NRXN3: variants seen among roughly 807,000 people sequenced by gnomAD.
NRXN3 encodes the protein neurexin 3.
In NRXN3, 32 loss-of-function variants were observed where a neutral mutation model predicts 137.6. The ratio of observed to expected loss-of-function variants is 0.23; its 90% CI spans 0.18 to 0.31. The LOEUF (loss-of-function observed/expected upper bound fraction) is 0.31. Among genes scored for constraint, NRXN3 ranks in the 10% least tolerant of loss-of-function variants. NRXN3 has a pLI of 1.00. For synonymous variants in NRXN3, 798 were observed against 784.5 expected (o/e 1.02, Z -0.29); for missense variants, 1,574 against 2,062.5 (o/e 0.76, Z 4.59).
At chr14:79,122,036 T>C (rs1336485998) in intron 15 of NRXN3, among the ~76,000 whole-genome samples, 1 of 152,226 alleles carries the variant, frequency 6.6e-6, no homozygotes, top group Non-Finnish European at 1.5e-5. Flanking sequence ...AGGATGATCA[T>C]TCACTTTTAC....
chr14:79,231,701 G>A (rs1394551013), intron 15 of NRXN3, among the ~76,000 whole-genome samples: 1 of 152,162 alleles, frequency 6.6e-6, no homozygotes, highest in Non-Finnish European at 1.5e-5. Flanking sequence ...GCAAAAGGAA[G>A]AACATCTCAA....
intron 1 of NRXN3, among the ~76,000 whole-genome samples, chr14:78,198,439 G>A (rs1475068552): frequency 6.6e-6 from 1 of 152,220 alleles, no homozygotes; most frequent in African/African-American, 2.4e-5. Context: ...GGAAAATTGA[G>A]CTGCTAGTGG....
chr14:78,707,602 T>A (rs1287823902), intron 6 of NRXN3, among the ~76,000 whole-genome samples: 1 of 152,162 alleles, frequency 6.6e-6, no homozygotes, highest in Non-Finnish European at 1.5e-5. Flanking sequence ...TGGTGTTTGG[T>A]TACATGAATA....
At chr14:78,263,939 T>C (rs1302861136) in intron 2 of NRXN3, among the ~76,000 whole-genome samples, 1 of 150,350 alleles carries the variant, frequency 6.7e-6, no homozygotes, top group African/African-American at 2.4e-5. Context: ...TCCTGACAGG[T>C]CTAATTTTTT....
intron 2 of NRXN3, among the ~76,000 whole-genome samples, chr14:78,254,133 AT>A (rs1309290433): frequency 6.6e-6 from 1 of 152,210 alleles, no homozygotes; most frequent in Non-Finnish European, 1.5e-5. Context: ...TTAACTGCTT[AT>A]GATTAATCTT....
chr14:79,061,672 A>G (rs1436724468), intron 15 of NRXN3, among the ~76,000 whole-genome samples: 1 of 152,166 alleles, frequency 6.6e-6, no homozygotes. Context: ...AGGACATCCA[A>G]CACCCATGAC....
chr14:79,767,690 A>G (rs2099060748), intron 19 of NRXN3, among the ~76,000 whole-genome samples: 1 of 152,222 alleles, frequency 6.6e-6, no homozygotes. Context: ...GATAACACTG[A>G]GGAATAAAAA....
At chr14:78,411,872 T>G (rs2092850249) in intron 4 of NRXN3, among the ~76,000 whole-genome samples, 1 of 152,230 alleles carries the variant, frequency 6.6e-6, no homozygotes, top group Non-Finnish European at 1.5e-5. Flanking sequence ...AGGCTGAATT[T>G]CATAGACCTC....
chr14:79,356,026 C>T (rs79889025), intron 15 of NRXN3, among the ~76,000 whole-genome samples: 4 of 151,986 alleles, frequency 2.6e-5, no homozygotes, highest in African/African-American at 7.3e-5. Context: ...GTATTATTTG[C>T]GAAGTGTTCT....
At position 79,667,798 on chromosome 14, in the gene NRXN3, A is replaced by AG. The variant is rs111877759; in HGVS notation, c.3616+3856dup. Among the ~76,000 whole-genome samples the AG allele has an allele frequency of 1.3e-3, 200 of 151,746 alleles. 1 individual carries two copies. The highest frequency in any genetic ancestry group is 4.5e-3 in the African/African-American group (186 of 41,430). On this transcript the variant is annotated intron_variant, in intron 17 of 20. Coordinates refer to ENST00000335750, the MANE Select transcript of NRXN3 (RefSeq NM_001330195.2). The stretch of plus-strand genomic sequence containing the variant: ...TACAATGCGGTGGTAGGAACAAGGG[A>AG]GGGGGGGTGAAAGGTGACTTGAGTA...
chr14:78,824,125 T>TTC (rs1555513316), intron 10 of NRXN3, among the ~76,000 whole-genome samples: 3 of 146,828 alleles, frequency 2.0e-5, no homozygotes, highest in African/African-American at 7.8e-5. Flanking sequence ...TTTTTTTTTT[T>TTC]CCAGAGCTGG....
At chr14:78,356,354 T>C (rs949407177) in intron 4 of NRXN3, among the ~76,000 whole-genome samples, 2 of 152,232 alleles carry the variant, frequency 1.3e-5, no homozygotes, top group Non-Finnish European at 2.9e-5. Context: ...GGAATAGATA[T>C]GAGATATTTC....
rs1260471905 is a variant in NRXN3, at chr14:79,861,119, C to T, written c.4094-223C>T. The T allele has an allele frequency of 3.4e-6, 5 of 1,475,970 alleles. No individual in the cohort carries two copies. The Admixed American group carries it at 6.9e-5, about 20-fold the overall frequency. 91.4% of individuals were successfully genotyped at this position (1,475,970 alleles called of 1,614,324 possible). On this transcript the variant is annotated intron_variant, in intron 20 of 20. Coordinates refer to ENST00000335750, the MANE Select transcript of NRXN3 (RefSeq NM_001330195.2). The surrounding 1 kb of genome is among the most constrained non-coding windows in gnomAD (Gnocchi z 5.4). Reference sequence around the variant, plus strand: ...TGCTACTCGTGCACCTTCCATTACACTCCCCCCTACCTTTCGCCCCCTCCT... The same window carrying T: ...TGCTACTCGTGCACCTTCCATTACATTCCCCCCTACCTTTCGCCCCCTCCT...
intron 14 of NRXN3, among the ~76,000 whole-genome samples, chr14:78,970,938 A>G (rs1211854433): frequency 2.0e-5 from 3 of 152,148 alleles, no homozygotes; most frequent in Non-Finnish European, 4.4e-5. Flanking sequence ...CATTATGCCT[A>G]CCCCGCTGGG....
In NRXN3 at chr14:78,643,444, A is replaced by T. The variant is rs575966031; in HGVS notation, c.758-1676A>T. ...ACTCTGGTATGAAGTAGACCATTCT[A>T]AGTAAGGCTATCTGGCAAGAAGACA... On this transcript the variant is annotated intron_variant, in intron 4 of 20. Transcript: ENST00000335750. 2.1e-3 allele frequency among the ~76,000 whole-genome samples: 315 copies of T among 152,360 alleles called. 1 individual carries two copies. The highest frequency in any genetic ancestry group is 7.2e-3 in the African/African-American group (301 of 41,582).
intron 19 of NRXN3, among the ~76,000 whole-genome samples, chr14:79,707,220 C>T (rs923124246): frequency 6.6e-6 from 1 of 151,904 alleles, no homozygotes; most frequent in African/African-American, 2.4e-5. Flanking sequence ...AAGCAGGGCT[C>T]AAAAATATCA....
chr14:79,193,095 G>A (rs11622061), intron 15 of NRXN3, among the ~76,000 whole-genome samples: 48,637 of 151,460 alleles, frequency 0.32, 8,312 homozygotes, highest in Non-Finnish European at 0.39. Context: ...ATAAGCTAAA[G>A]TGATAAACTT....
chr14:79,320,997 T>C (rs1197917784), intron 15 of NRXN3, among the ~76,000 whole-genome samples: 1 of 152,210 alleles, frequency 6.6e-6, no homozygotes, highest in Non-Finnish European at 1.5e-5. Context: ...TTTATACTTT[T>C]GTATCAAACT....
intron 15 of NRXN3, among the ~76,000 whole-genome samples, chr14:79,294,567 A>G (rs1289651071): frequency 2.0e-5 from 3 of 152,202 alleles, no homozygotes; most frequent in African/African-American, 4.8e-5. Context: ...CCAAAGAAGC[A>G]TAAATGACTT....
Sources: allele counts gnomAD v4.1 joint callset (sites outside exome capture counted in the v4.1 genomes callset), GRCh38; gene constraint gnomAD v4.1.1; non-coding constraint Gnocchi (gnomAD v3.1); transcripts MANE v1.5; gene names NCBI Gene and HGNC (gene_info 2026-07-23, HGNC 2026-07-21).